The following ADAP1 variants were observed in gnomAD, a reference collection of about 807,000 sequenced individuals.
The protein encoded by ADAP1 is arf-GAP with dual PH domain-containing protein 1.
A neutral mutation model predicts 54.9 loss-of-function variants in ADAP1; 31 were observed. The observed-to-expected ratio is 0.56, with a 90% CI of 0.42 to 0.76. The LOEUF is 0.76. ADAP1 is among the 30% of genes least tolerant of loss of function. ADAP1 has a pLI of 0.00. For synonymous variants in ADAP1, 313 were observed against 202.6 expected (o/e 1.55, Z -4.63); for missense variants, 535 against 512.4 (o/e 1.04, Z -0.42).
chr7:917,052 G>T (rs71538118), intron 4 of ADAP1, among the ~76,000 whole-genome samples: 1 of 25,800 alleles, frequency 3.9e-5, no homozygotes, highest in Admixed American at 2.6e-4. Context: ...TACCGGGGAG[G>T]TGCACGGGAG....
chr7:905,130 C>T lies in ADAP1; in HGVS notation c.431G>A (p.Gly144Glu). The T allele has an allele frequency of 6.2e-7, 1 of 1,612,430 alleles. No individual in the cohort carries two copies. The highest frequency in any genetic ancestry group is 8.5e-7 in the Non-Finnish European group (1 of 1,179,894). The change falls in exon 5 of 11, where the codon GGG becomes GAG. Residue 144 changes from glycine to glutamate, a missense_variant. Coordinates refer to ENST00000265846, the MANE Select transcript of ADAP1 (RefSeq NM_006869.4). ...CACAAACTTCCGGCTCAAAAACTGC[C>T]CGTTGTCCCGGCCACGCTTCCAGAG... ...GFLWKRGRDN[G>E]QFLSRKFVLT...
At chr7:910,451 G>A (rs1845677721) in intron 4 of ADAP1, among the ~76,000 whole-genome samples, 1 of 152,094 alleles carries the variant, frequency 6.6e-6, no homozygotes, top group Admixed American at 6.6e-5. Flanking sequence ...GGAGCTCACT[G>A]CGTTGCCCAG....
chr7:901,770 C>T (rs993683784), intron 6 of ADAP1, among the ~76,000 whole-genome samples: 2 of 150,926 alleles, frequency 1.3e-5, no homozygotes, highest in Non-Finnish European at 3.0e-5. Context: ...CTTCCCCCGC[C>T]CACCCTTTCC....
At position 954,528 on chromosome 7, in the gene ADAP1, A is replaced by G. The variant is rs977291142; in HGVS notation, c.-51T>C. 2.0e-6 allele frequency: 2 copies of G among 1,000,912 alleles called. No individual in the cohort carries two copies. The highest frequency in any genetic ancestry group is 2.4e-6 in the Non-Finnish European group (2 of 842,294). The allele number at this position is 1,000,912 out of a possible 1,614,324, so 62.0% of individuals were successfully genotyped here. ...TGCCGGGGCCGGGGCCGGGAGCGTC[A>G]GCCCGGCTCGCTAGGGCCCCGCGCA... On this transcript the variant is annotated 5_prime_UTR_variant, in exon 1 of 11. Transcript: ENST00000265846.
At chr7:933,464 AGG>A (rs1846647707) in intron 2 of ADAP1, among the ~76,000 whole-genome samples, 1 of 107,688 alleles carries the variant, frequency 9.3e-6, no homozygotes, top group Admixed American at 1.0e-4. Flanking sequence ...AACCAGGGGC[AGG>A]GGTCAGTGGT....
At chr7:923,003 G>T (rs1019762912) in intron 3 of ADAP1, 1 of 37,138 alleles carries the variant, frequency 2.7e-5, no homozygotes, top group African/African-American at 1.2e-4. Flanking sequence ...TTAAGATGAG[G>T]CCACAGGAGC....
rs2128103479 is a variant in ADAP1 at position 916,984 on chromosome 7, G to GGGGCGCA, written c.388+2983_388+2984insTGCGCCC. Among the ~76,000 whole-genome samples the GGGGCGCA allele has an allele frequency of 1.7e-5, 2 of 114,650 alleles. 1 individual carries two copies. The highest frequency in any genetic ancestry group is 5.8e-4 in the East Asian group (2 of 3,448). 75.2% of individuals were successfully genotyped at this position (114,650 alleles called of 152,430 possible). A position where few individuals can be genotyped will look rare whatever the true frequency, so the allele number is the denominator to read the frequency against. ...CTCTACCGGGGAGGTGCACAGGAGG[G>GGGGCGCA]GTGCGCAGTGCCAGCTCTACCGGGG... On this transcript the variant is annotated intron_variant, in intron 4 of 10. Transcript: ENST00000265846.
At chr7:905,991 G>A (rs1845268766) in intron 4 of ADAP1, among the ~76,000 whole-genome samples, 1 of 60,152 alleles carries the variant, frequency 1.7e-5, no homozygotes, top group Non-Finnish European at 3.9e-5. Context: ...AGGGAAAGGA[G>A]AAAGGAGAAA....
chr7:902,228 G>C (rs1338506222), intron 6 of ADAP1, among the ~76,000 whole-genome samples: 1 of 150,954 alleles, frequency 6.6e-6, no homozygotes, highest in East Asian at 1.9e-4. Flanking sequence ...GGAGGCTGAG[G>C]CAGGTGGATC....
chr7:906,731 G>A (rs1367226353), intron 4 of ADAP1, among the ~76,000 whole-genome samples: 6 of 29,276 alleles, frequency 2.0e-4, no homozygotes, highest in African/African-American at 1.0e-3. Flanking sequence ...GACGGGACAT[G>A]GGGGACAGAG....
At chr7:908,936 C>T (rs1011700174) in intron 4 of ADAP1, among the ~76,000 whole-genome samples, 12 of 152,216 alleles carry the variant, frequency 7.9e-5, no homozygotes, top group Non-Finnish European at 1.2e-4. Context: ...ACAGCGGGGG[C>T]CCCTTCCAGC....
Position 899,172 on chromosome 7 carries a change from G to C in ADAP1, c.957C>G (p.His319Gln). ...CGATGGTGATGCCATGTGGCCAGTGGTGGCCCTGGGTGGACGGCGGGAACC... is the reference window on the plus strand; with the variant it reads ...CGATGGTGATGCCATGTGGCCAGTGCTGGCCCTGGGTGGACGGCGGGAACC... Reference protein sequence around the residue: ...LHGFPPSTQGHHWPHGITIVT... With the variant: ...LHGFPPSTQGQHWPHGITIVT... Residue 319 changes from histidine to glutamine, a missense_variant, in exon 10 of 11, where the codon CAC becomes CAG. By Grantham distance (24) the His-to-Gln change is conservative. Coordinates refer to ENST00000265846, the MANE Select transcript of ADAP1 (RefSeq NM_006869.4). The C allele has an allele frequency of 6.2e-7, 1 of 1,612,038 alleles. No individual in the cohort carries two copies. Among genetic ancestry groups the C allele is most frequent in the Non-Finnish European group, 8.5e-7 (1 of 1,179,974 alleles).
At chr7:927,216 A>G in intron 2 of ADAP1, 1 of 1,274,208 alleles carries the variant, frequency 7.8e-7, no homozygotes, top group Non-Finnish European at 1.0e-6. Context: ...GGAGAAGGAA[A>G]CGGCGCCGTG....
chr7:919,571 G>T (rs548310955), intron 4 of ADAP1, among the ~76,000 whole-genome samples: 1 of 147,568 alleles, frequency 6.8e-6, no homozygotes, highest in African/African-American at 2.5e-5. Context: ...ATAGAGAGAG[G>T]ATGAGATAGA....
rs1846838445 is a variant in ADAP1, at chr7:938,216, C to G, written c.83-2711G>C. On this transcript the variant is annotated intron_variant, in intron 1 of 10. Transcript: ENST00000265846. The surrounding 1 kb of genome is among the most constrained non-coding windows in gnomAD (Gnocchi z 4.4). ...TGAGACAGGGTCTTGCCCTGTTGCC[C>G]AAGGTGGAGTGCAGTGGTGCAATCA... Among the ~76,000 whole-genome samples the G allele has an allele frequency of 6.6e-6, 1 of 152,100 alleles. No homozygotes were observed. Among genetic ancestry groups the G allele is most frequent in the South Asian group, 2.1e-4 (1 of 4,830 alleles).
At chr7:899,353 G>C in intron 9 of ADAP1, 66 bp downstream of exon 9, 8 of 1,606,974 alleles carry the variant, frequency 5.0e-6, no homozygotes, top group Non-Finnish European at 6.8e-6. Flanking sequence ...CGCCCTCCTG[G>C]TCACGCATCT....
At chr7:908,206 CAG>C (rs1175030393) in intron 4 of ADAP1, among the ~76,000 whole-genome samples, 2 of 152,192 alleles carry the variant, frequency 1.3e-5, no homozygotes, top group African/African-American at 2.4e-5. Flanking sequence ...ACAGGCCAGA[CAG>C]AGGCTCAGAT....
Position 904,185 on chromosome 7 carries a change from C to A in ADAP1, c.589G>T (p.Val197Phe). 2 of 1,612,312 alleles carry A rather than the reference C, an allele frequency of 1.2e-6. No homozygotes were observed. Among genetic ancestry groups the A allele is most frequent in the South Asian group, 1.1e-5 (1 of 91,084 alleles). ...AKIGHPHGLQ[V>F]TYLKDNSTRN... ...GTGCTGTTGTCCTTCAGGTAGGTGA[C>A]CTGCAGGCCGTGGGGGTGGCCGATC... is the stretch of plus-strand genomic sequence containing the variant. Residue 197 changes from valine to phenylalanine, a missense_variant, in exon 6 of 11, where the codon GTC becomes TTC. Physicochemically the swap from Val to Phe is conservative, Grantham distance 50. Coordinates refer to ENST00000265846, the MANE Select transcript of ADAP1 (RefSeq NM_006869.4).
At chr7:935,857 G>A (rs1037732996) in intron 1 of ADAP1, among the ~76,000 whole-genome samples, 2 of 152,202 alleles carry the variant, frequency 1.3e-5, no homozygotes, top group African/African-American at 4.8e-5. Context: ...GGGTCCACCT[G>A]CTTTCCTCGT....
Sources: allele counts gnomAD v4.1 joint callset (sites outside exome capture counted in the v4.1 genomes callset), GRCh38; gene constraint gnomAD v4.1.1; non-coding constraint Gnocchi (gnomAD v3.1); transcripts MANE v1.5; gene names NCBI Gene and HGNC (gene_info 2026-07-23, HGNC 2026-07-21).